COL22A1: variants seen among roughly 807,000 people sequenced by gnomAD.
The protein encoded by COL22A1 is collagen type XXII alpha 1 chain.
In COL22A1, 221 loss-of-function variants were observed where a neutral mutation model predicts 248.9. The ratio of observed to expected loss-of-function variants is 0.89; its 90% CI spans 0.80 to 0.99. COL22A1 has a LOEUF of 0.99. Ranked by LOEUF, COL22A1 falls within the 50% of genes least tolerant of loss-of-function variation. The probability of loss-of-function intolerance (pLI) is 0.00; values close to 1 mark genes in which losing one functional copy is unlikely to be tolerated. For missense variants in COL22A1, 2,240 were observed against 2,179.0 expected, an observed-to-expected ratio of 1.03 and a Z score of -0.56; for synonymous variants, 891 against 793.4, an observed-to-expected ratio of 1.12 and a Z score of -2.07.
chr8:138,662,040 G>T lies in COL22A1; in HGVS notation c.3230C>A (p.Ala1077Asp), dbSNP rs926070310. The T allele has an allele frequency of 6.2e-7, 1 of 1,611,654 alleles. No homozygotes were observed. Among genetic ancestry groups the T allele is most frequent in the Admixed American group, 1.7e-5 (1 of 59,686 alleles). Residue 1077 changes from alanine to aspartate, a missense_variant, in exon 43 of 65, where the codon GCC becomes GAC. By Grantham distance (126) the Ala-to-Asp change is moderately radical. Transcript: ENST00000303045. ...TTTCTCTGTACTTACGTCCCGGCCG[G>T]CTGGGCCCTGGGGGCCAGGGAATCC... is the stretch of plus-strand genomic sequence containing the variant. The part of the protein sequence containing the change: ...LPGFPGPQGP[A>D]GRDGAPGNPG...
chr8:138,824,018 G>T (rs1819377421), intron 6 of COL22A1, among the ~76,000 whole-genome samples: 1 of 152,150 alleles, frequency 6.6e-6, no homozygotes, highest in Non-Finnish European at 1.5e-5. Flanking sequence ...GCTCCACATG[G>T]CTTCAGTACA....
At chr8:138,850,611 G>T (rs59927488) in intron 3 of COL22A1, among the ~76,000 whole-genome samples, 1,772 of 152,320 alleles carry the variant, frequency 0.012, 33 homozygotes, top group African/African-American at 0.041. Flanking sequence ...GTAAGGGCCT[G>T]CCAGGGCCAT....
intron 49 of COL22A1, among the ~76,000 whole-genome samples, chr8:138,634,347 C>T (rs1564122841): frequency 1.3e-5 from 2 of 152,040 alleles, no homozygotes; most frequent in African/African-American, 4.8e-5. Flanking sequence ...ACAAGGGTCT[C>T]ATGTGGAACC....
At chr8:138,774,415 CT>C (rs142280789) in intron 16 of COL22A1, among the ~76,000 whole-genome samples, 8,861 of 128,032 alleles carry the variant, frequency 0.069, 627 homozygotes, top group African/African-American at 0.2. Context: ...CAAAAGCATT[CT>C]TTTTTTTTTT....
chr8:138,629,337 A>T (rs1311116027), intron 50 of COL22A1, among the ~76,000 whole-genome samples: 1 of 151,498 alleles, frequency 6.6e-6, no homozygotes, highest in Non-Finnish European at 1.5e-5. Context: ...TTGTATTTTT[A>T]GTAGAGGGGT....
chr8:138,872,383 C>G (rs1262904226), intron 3 of COL22A1, among the ~76,000 whole-genome samples: 1 of 152,110 alleles, frequency 6.6e-6, no homozygotes. Context: ...AACATCCCAG[C>G]CCAAAAGTCC....
chr8:138,721,465 C>T (rs1156911904), intron 26 of COL22A1, among the ~76,000 whole-genome samples: 3 of 152,152 alleles, frequency 2.0e-5, no homozygotes, highest in African/African-American at 2.4e-5. Context: ...TTGACTCTTA[C>T]CTTAATAATT....
In COL22A1 at chr8:138,623,641, C is replaced by T. The variant is rs993866606; in HGVS notation, c.3771+91G>A. 1.9e-5 allele frequency: 21 copies of T among 1,121,250 alleles called. 1 individual carries two copies. The Admixed American group carries it at 4.5e-4, about 24-fold the overall frequency. The allele number at this position is 1,121,250 out of a possible 1,614,324, so 69.5% of individuals were successfully genotyped here. A position where few individuals can be genotyped will look rare whatever the true frequency, so the allele number is the denominator to read the frequency against. On this transcript the variant is annotated intron_variant, in intron 52 of 64. Coordinates refer to ENST00000303045, the MANE Select transcript of COL22A1 (RefSeq NM_152888.3). ...GCATAGAAAATGCCTATCTTCGAGA[C>T]TGGTTCAAAATAGCTCCTCACACAA... is the stretch of plus-strand genomic sequence containing the variant.
chr8:138,719,411 T>C (rs1414544567), intron 27 of COL22A1, among the ~76,000 whole-genome samples: 1 of 152,118 alleles, frequency 6.6e-6, no homozygotes, highest in Non-Finnish European at 1.5e-5. Flanking sequence ...GGTACATTCA[T>C]GGGGGCCATG....
intron 16 of COL22A1, among the ~76,000 whole-genome samples, chr8:138,771,951 C>T (rs1324922147): frequency 6.6e-6 from 1 of 152,146 alleles, no homozygotes; most frequent in African/African-American, 2.4e-5. Context: ...ATCATTGTTC[C>T]GATGGAGACG....
chr8:138,823,195 C>T (rs535208010), intron 6 of COL22A1, among the ~76,000 whole-genome samples: 2 of 151,722 alleles, frequency 1.3e-5, no homozygotes, highest in Admixed American at 6.6e-5. Flanking sequence ...AATTGATCCA[C>T]GATAATTTAA....
intron 18 of COL22A1, among the ~76,000 whole-genome samples, chr8:138,758,455 A>G (rs895401285): frequency 1.3e-5 from 2 of 152,242 alleles, no homozygotes; most frequent in African/African-American, 4.8e-5. Context: ...AATCATTAAA[A>G]GGGCATAAAA....
In COL22A1 at chr8:138,813,828, G is replaced by A. The variant is rs965298017; in HGVS notation, c.1246-809C>T. On this transcript the variant is annotated intron_variant, in intron 7 of 64. Coordinates refer to ENST00000303045, the MANE Select transcript of COL22A1 (RefSeq NM_152888.3). Reference sequence around the variant, plus strand: ...CTCTCCAGGTCACCAGCACTGCATTGAACAAGATCCTTAATGATGCTATTG... The same window carrying A: ...CTCTCCAGGTCACCAGCACTGCATTAAACAAGATCCTTAATGATGCTATTG... Among the ~76,000 whole-genome samples, 3 of 151,820 alleles carry A rather than the reference G, an allele frequency of 2.0e-5. No homozygotes were observed. In the East Asian group the frequency reaches 5.8e-4, roughly 29 times the overall value.
At chr8:138,833,898 G>A (rs1820237835) in intron 4 of COL22A1, among the ~76,000 whole-genome samples, 1 of 152,172 alleles carries the variant, frequency 6.6e-6, no homozygotes, top group South Asian at 2.1e-4. Context: ...GTACTTCACT[G>A]TGGAAGGACA....
chr8:138,691,105 G>A (rs766284106), intron 35 of COL22A1, among the ~76,000 whole-genome samples: 15 of 152,200 alleles, frequency 9.9e-5, no homozygotes, highest in Non-Finnish European at 1.8e-4. Flanking sequence ...GAGGGCAGGA[G>A]GACTCTGGAA....
At position 138,883,205 on chromosome 8, in the gene COL22A1, G is replaced by C. The variant is rs1188218001; in HGVS notation, c.-33C>G. The C allele has an allele frequency of 1.9e-6, 3 of 1,549,410 alleles. No homozygotes were observed. Among genetic ancestry groups the C allele is most frequent in the Non-Finnish European group, 2.6e-6 (3 of 1,144,258 alleles). ...CTGTTCTTGGGGACAGGCTTCTCTT[G>C]GCCAGGAAGAGACGCTGTTAGGGTC... On this transcript the variant is annotated 5_prime_UTR_variant, in exon 2 of 65. Coordinates refer to ENST00000303045, the MANE Select transcript of COL22A1 (RefSeq NM_152888.3).
intron 44 of COL22A1, among the ~76,000 whole-genome samples, chr8:138,658,678 T>G (rs994898913): frequency 1.3e-5 from 2 of 152,224 alleles, no homozygotes; most frequent in African/African-American, 4.8e-5. Flanking sequence ...ATCATTTTAC[T>G]GTAATAAACC....
At chr8:138,697,874 A>T (rs1473498156) in intron 32 of COL22A1, among the ~76,000 whole-genome samples, 1 of 152,230 alleles carries the variant, frequency 6.6e-6, no homozygotes, top group Admixed American at 6.5e-5. Flanking sequence ...AGACTCAGGC[A>T]ATTGCCCACA....
At chr8:138,761,289 G>A (rs911088930) in intron 17 of COL22A1, among the ~76,000 whole-genome samples, 16 of 152,256 alleles carry the variant, frequency 1.1e-4, no homozygotes, top group African/African-American at 2.9e-4. Flanking sequence ...ACCAGGCACT[G>A]CACGATGGAT....
Sources: gnomAD v4.1 joint callset for allele counts (sites outside exome capture counted in the v4.1 genomes callset) on GRCh38, gnomAD v4.1.1 for gene constraint, MANE v1.5 for transcripts, NCBI Gene and HGNC (gene_info 2026-07-23, HGNC 2026-07-21) for gene names.